The following NRG1 variants were observed in gnomAD, a reference collection of about 807,000 sequenced individuals.
NRG1 encodes the protein pro-neuregulin-1, membrane-bound isoform.
Under a neutral mutation model 63.8 loss-of-function variants are expected in NRG1, and 18 were observed. The ratio of observed to expected loss-of-function variants is 0.28; its 90% confidence interval spans 0.19 to 0.42. The LOEUF is 0.42. Among genes scored for constraint, NRG1 ranks in the 10% least tolerant of loss-of-function variants. NRG1 has a pLI of 1.00. For missense variants in NRG1, 762 were observed against 814.7 expected, an observed-to-expected ratio of 0.94 and a Z score of 0.79; for synonymous variants, 302 against 301.3, an observed-to-expected ratio of 1.00 and a Z score of -0.02.
intron 1 of NRG1, among the ~76,000 whole-genome samples, chr8:32,064,641 G>A (rs952454212): frequency 6.6e-6 from 1 of 152,092 alleles, no homozygotes; most frequent in African/African-American, 2.4e-5. Context: ...TTATTGTGAA[G>A]GAAAAGTATT....
exon 12 of NRG1, chr8:32,766,436 G>A (rs1831436756): frequency 6.6e-6 from 1 of 152,142 alleles, no homozygotes; most frequent in South Asian, 2.1e-4. Context: ...GCATGGGGAA[G>A]AAGACAGTCA....
chr8:32,679,008 G>A (rs979410817), intron 5 of NRG1, among the ~76,000 whole-genome samples: 1 of 152,022 alleles, frequency 6.6e-6, no homozygotes, highest in Admixed American at 6.6e-5. Flanking sequence ...AAAAAAAGTA[G>A]CCTGACTGGG....
rs1554660461 is a variant in NRG1 at position 32,743,573 on chromosome 8, C to CACATATATATATATAT, written c.691+841_691+842insCATATATATATATATA. On this transcript the variant is annotated intron_variant, in intron 7 of 11. Coordinates refer to ENST00000356819, the Ensembl canonical transcript of NRG1. ...TATATATATAAAACTTAAGGCAAAA[C>CACATATATATATATAT]ATATATATATATATATATATATAAA... 3.2e-4 allele frequency among the ~76,000 whole-genome samples: 36 copies of CACATATATATATATAT among 113,708 alleles called. 1 individual carries two copies. The highest frequency in any genetic ancestry group is 5.3e-3 in the Middle Eastern group (1 of 188). The allele number at this position is 113,708 out of a possible 152,430, so 74.6% of individuals were successfully genotyped here.
In NRG1 at chr8:32,421,663, G is replaced by A. The variant is rs570279220; in HGVS notation, c.38-174165G>A. The stretch of plus-strand genomic sequence containing the variant: ...GTAGCTAATGCAGTGTGCACCAATA[G>A]GCCACAGACCCCAAGCTTTCCTTCT... On this transcript the variant is annotated intron_variant, in intron 1 of 10. Transcript: ENST00000519301. Among the ~76,000 whole-genome samples the A allele has an allele frequency of 2.0e-5, 3 of 152,198 alleles. No homozygotes were observed. In the South Asian group the frequency reaches 6.2e-4, roughly 32 times the overall value.
At chr8:31,873,779 T>C (rs181272291) in intron 1 of NRG1, among the ~76,000 whole-genome samples, 160 of 152,298 alleles carry the variant, frequency 1.1e-3, no homozygotes, top group African/African-American at 3.6e-3. Flanking sequence ...AGAAAACTAG[T>C]GTGCAGAGGA....
chr8:32,268,244 T>A (rs1362289202), intron 1 of NRG1, among the ~76,000 whole-genome samples: 1 of 152,154 alleles, frequency 6.6e-6, no homozygotes, highest in Admixed American at 6.5e-5. Context: ...GATTACAGCT[T>A]TATGAGATCC....
intron 1 of NRG1, among the ~76,000 whole-genome samples, chr8:32,129,369 T>G (rs1191687604): frequency 2.0e-5 from 3 of 151,950 alleles, no homozygotes; most frequent in Non-Finnish European, 2.9e-5. Context: ...TTCCCTTGCT[T>G]CTTTGGTGGC....
At chr8:32,296,478 G>A (rs1202294761) in intron 1 of NRG1, among the ~76,000 whole-genome samples, 4 of 151,976 alleles carry the variant, frequency 2.6e-5, no homozygotes, top group Non-Finnish European at 5.9e-5. Context: ...GCTAGGCATG[G>A]TGTCAGGTGC....
intron 1 of NRG1, among the ~76,000 whole-genome samples, chr8:31,758,814 G>C (rs917258137): frequency 1.6e-4 from 25 of 152,088 alleles, no homozygotes; most frequent in African/African-American, 5.8e-4. Context: ...GCATAAGCTA[G>C]GTGCATATTT....
At chr8:32,698,056 A>C (rs1027627769) in intron 5 of NRG1, among the ~76,000 whole-genome samples, 2 of 152,066 alleles carry the variant, frequency 1.3e-5, no homozygotes, top group Non-Finnish European at 2.9e-5. Context: ...AAATACAAAA[A>C]TTAGCTGAGC....
intron 1 of NRG1, among the ~76,000 whole-genome samples, chr8:32,144,815 A>G (rs76070865): frequency 0.013 from 1,910 of 152,250 alleles, 48 homozygotes; most frequent in African/African-American, 0.043. Flanking sequence ...TTAGACCTCC[A>G]CTGGATCCTG....
intron 5 of NRG1, among the ~76,000 whole-genome samples, chr8:32,669,711 G>A (rs1243452398): frequency 6.6e-6 from 1 of 152,150 alleles, no homozygotes; most frequent in African/African-American, 2.4e-5. Context: ...GAAGTGATTA[G>A]GGTTGGTCTT....
chr8:32,254,336 A>C (rs564243681), intron 1 of NRG1, among the ~76,000 whole-genome samples: 1 of 152,276 alleles, frequency 6.6e-6, no homozygotes, highest in East Asian at 1.9e-4. Context: ...ATTTCCGTCT[A>C]CACACTGCTT....
chr8:32,244,810 G>A (rs944069188), intron 1 of NRG1, among the ~76,000 whole-genome samples: 1 of 152,174 alleles, frequency 6.6e-6, no homozygotes, highest in Admixed American at 6.5e-5. Context: ...AGTGGCAAAG[G>A]CCAGTTGTTT....
chr8:32,447,437 T>C (rs1820407751), intron 1 of NRG1, among the ~76,000 whole-genome samples: 1 of 152,124 alleles, frequency 6.6e-6, no homozygotes. Context: ...CTAATCACTG[T>C]GGGAAACATT....
chr8:31,775,882 CAAAAAAA>C (rs71208140), intron 1 of NRG1, among the ~76,000 whole-genome samples: 12 of 72,204 alleles, frequency 1.7e-4, no homozygotes, highest in South Asian at 1.0e-3. Context: ...GACTCCGTCT[CAAAAAAA>C]AAAAAAAAAA....
At chr8:32,117,624 A>G (rs950233695) in intron 1 of NRG1, among the ~76,000 whole-genome samples, 3 of 152,130 alleles carry the variant, frequency 2.0e-5, no homozygotes, top group Admixed American at 6.6e-5. Context: ...AGTTATAGCT[A>G]GTGATTCACA....
chr8:32,295,528 C>A (rs1206272224), intron 1 of NRG1, among the ~76,000 whole-genome samples: 4 of 152,158 alleles, frequency 2.6e-5, no homozygotes, highest in African/African-American at 4.8e-5. Flanking sequence ...TAGGATTACA[C>A]TTTCTGGTAG....
intron 1 of NRG1, among the ~76,000 whole-genome samples, chr8:32,145,617 AC>A (rs1836789349): frequency 6.6e-6 from 1 of 152,080 alleles, no homozygotes; most frequent in Non-Finnish European, 1.5e-5. Context: ...CGCTGTGTCT[AC>A]CCCAGAGGAT....
Sources: gnomAD v4.1 joint callset for allele counts (sites outside exome capture counted in the v4.1 genomes callset) on GRCh38, gnomAD v4.1.1 for gene constraint, MANE v1.5 for transcripts, NCBI Gene and HGNC (gene_info 2026-07-23, HGNC 2026-07-21) for gene names.